Variants in FBXL2 observed in about 807,000 individuals in gnomAD.
FBXL2 encodes F-box and leucine rich repeat protein 2.
In FBXL2, 38 loss-of-function variants were observed where a neutral mutation model predicts 69.2. That is an observed-to-expected ratio of 0.55 (90% CI 0.42 to 0.72). FBXL2 has a LOEUF of 0.72. Among genes scored for constraint, FBXL2 ranks in the 30% least tolerant of loss-of-function variants. FBXL2 has a pLI of 0.00. For synonymous variants in FBXL2, 192 were observed against 201.3 expected, an observed-to-expected ratio of 0.95 and a Z score of 0.39; for missense variants, 354 against 520.3, an observed-to-expected ratio of 0.68 and a Z score of 3.11.
At chr3:33,309,562 G>T (rs1559519660) in intron 2 of FBXL2, among the ~76,000 whole-genome samples, 1 of 151,876 alleles carries the variant, frequency 6.6e-6, no homozygotes, top group Non-Finnish European at 1.5e-5. Context: ...AATACATTCA[G>T]CTACTTTATG....
chr3:33,416,623 G>T, the FBXL2 span: 1 of 638,880 alleles, frequency 1.6e-6, no homozygotes, highest in Non-Finnish European at 2.6e-6. Flanking sequence ...TTTTACAGGT[G>T]AATAAACAAA....
chr3:33,359,259 C>T, intron 3 of FBXL2, 24 bp from the exon 4 acceptor site: 1 of 1,597,332 alleles, frequency 6.3e-7, no homozygotes, highest in Non-Finnish European at 8.6e-7. Context: ...CCCAATCCCT[C>T]TTCCTTTACC....
chr3:33,358,953 TC>T lies in FBXL2; in HGVS notation c.66-12del, dbSNP rs2041414361. 6.6e-7 allele frequency: 1 copy of T among 1,505,956 alleles called. No homozygotes were observed. The highest frequency in any genetic ancestry group is 2.3e-5 in the East Asian group (1 of 42,838). 93.3% of individuals were successfully genotyped at this position (1,505,956 alleles called of 1,614,324 possible). A position where few individuals can be genotyped will look rare whatever the true frequency, so the allele number is the denominator to read the frequency against. ...ACACCATCTCGTTTTTGTGTTTTTT[TC>T]CTCTCTCTGTAGAATATTTTCCTTC... is the stretch of plus-strand genomic sequence containing the variant. On this transcript the variant is annotated splice_polypyrimidine_tract_variant and intron_variant, in intron 2 of 14. Coordinates refer to ENST00000484457, the MANE Select transcript of FBXL2 (RefSeq NM_012157.5).
intron 2 of FBXL2, among the ~76,000 whole-genome samples, chr3:33,357,150 G>A (rs1281048595): frequency 6.6e-6 from 1 of 152,216 alleles, no homozygotes; most frequent in Non-Finnish European, 1.5e-5. Flanking sequence ...CATAATCAAT[G>A]TTAACTATTT....
intron 2 of FBXL2, among the ~76,000 whole-genome samples, chr3:33,305,047 T>C (rs2036596456): frequency 6.6e-6 from 1 of 152,064 alleles, no homozygotes; most frequent in African/African-American, 2.4e-5. Flanking sequence ...TATTAATGTT[T>C]AGCTGACAAA....
chr3:33,360,324 G>C (rs1246520969), intron 4 of FBXL2, among the ~76,000 whole-genome samples: 2 of 152,160 alleles, frequency 1.3e-5, no homozygotes, highest in African/African-American at 4.8e-5. Flanking sequence ...ACAAACTAAT[G>C]ATCTAGGTCA....
chr3:33,338,336 T>C (rs2039747172), intron 2 of FBXL2, among the ~76,000 whole-genome samples: 1 of 151,934 alleles, frequency 6.6e-6, no homozygotes, highest in Admixed American at 6.6e-5. Flanking sequence ...CACTTGAAGG[T>C]GGGAGGTGAA....
intron 2 of FBXL2, among the ~76,000 whole-genome samples, chr3:33,313,574 C>A (rs1017813601): frequency 2.6e-5 from 4 of 151,720 alleles, no homozygotes; most frequent in Non-Finnish European, 5.9e-5. Context: ...GCCTTCCAAG[C>A]ATCTGGGACT....
chr3:33,281,963 T>G (rs1161138530), intron 1 of FBXL2, among the ~76,000 whole-genome samples: 1 of 152,230 alleles, frequency 6.6e-6, no homozygotes, highest in East Asian at 1.9e-4. Flanking sequence ...GTCAGATGGG[T>G]AGATTGCAAA....
At chr3:33,352,225 A>G (rs539782606) in intron 2 of FBXL2, among the ~76,000 whole-genome samples, 3 of 152,236 alleles carry the variant, frequency 2.0e-5, no homozygotes, top group Non-Finnish European at 2.9e-5. Context: ...CAATGGAGAA[A>G]GTATACATTT....
At chr3:33,291,975 T>A (rs2035266920) in intron 1 of FBXL2, among the ~76,000 whole-genome samples, 1 of 152,134 alleles carries the variant, frequency 6.6e-6, no homozygotes, top group African/African-American at 2.4e-5. Context: ...GTGAAAAAGA[T>A]ATACCATGCA....
At chr3:33,370,485 G>A (rs67739017) in intron 5 of FBXL2, among the ~76,000 whole-genome samples, 27,519 of 151,550 alleles carry the variant, frequency 0.18, 3,176 homozygotes, top group East Asian at 0.48. Flanking sequence ...GTATTTTAAG[G>A]ATGGTGCTCC....
chr3:33,405,987 AC>A (rs1397982337), downstream of FBXL2, among the ~76,000 whole-genome samples: 1 of 152,230 alleles, frequency 6.6e-6, no homozygotes, highest in Non-Finnish European at 1.5e-5. Flanking sequence ...CAGACTTATT[AC>A]TTCTATTATC....
In FBXL2 at chr3:33,330,678, A is replaced by G. The variant is rs2039077808; in HGVS notation, c.66-28289A>G. Among the ~76,000 whole-genome samples, 3 of 152,252 alleles carry G rather than the reference A, an allele frequency of 2.0e-5. No homozygotes were observed. The South Asian group carries it at 6.2e-4, about 32-fold the overall frequency. On this transcript the variant is annotated intron_variant, in intron 2 of 14. Coordinates refer to ENST00000484457, the MANE Select transcript of FBXL2 (RefSeq NM_012157.5). The stretch of plus-strand genomic sequence containing the variant: ...CAAGCCAGGCAGCTTACTTAACGCC[A>G]GGAGTTTGAGACCAGCCTGGCCAGC...
intron 5 of FBXL2, among the ~76,000 whole-genome samples, chr3:33,368,658 G>A (rs1314137196): frequency 2.0e-5 from 3 of 151,430 alleles, no homozygotes; most frequent in East Asian, 3.9e-4. Context: ...GCAGTGGAGT[G>A]CAGCTCACTG....
At chr3:33,407,538 GAATTT>G (rs1354268890), downstream of FBXL2, among the ~76,000 whole-genome samples, 2 of 141,588 alleles carry the variant, frequency 1.4e-5, no homozygotes, top group African/African-American at 5.4e-5. Flanking sequence ...TCTTTGATTC[GAATTT>G]ATTTAAAAAA....
the FBXL2 span, among the ~76,000 whole-genome samples, chr3:33,414,522 C>T: frequency 5.9e-5 from 9 of 152,274 alleles, no homozygotes; most frequent in East Asian, 1.9e-4. Context: ...AAAGCACCTT[C>T]GCAAACCTAT....
chr3:33,330,821 G>A lies in FBXL2; in HGVS notation c.66-28146G>A, dbSNP rs1048513229. ...GGAGAATCATTTGAACCTGGGAGGC[G>A]GAGGTTGCAGTGAGTCAAGATCATG... is the stretch of plus-strand genomic sequence containing the variant. On this transcript the variant is annotated intron_variant, in intron 2 of 14. Transcript: ENST00000484457. 4.0e-5 allele frequency among the ~76,000 whole-genome samples: 6 copies of A among 151,838 alleles called. No homozygotes were observed. In the East Asian group the frequency reaches 5.8e-4, roughly 15 times the overall value.
rs759723075 is a variant in FBXL2, at chr3:33,384,199, C to A, written c.1162C>A (p.Arg388=). Residue 388 remains arginine, a splice_region_variant and synonymous_variant, in exon 14 of 15, where the codon CGG becomes AGG. Coordinates refer to ENST00000484457, the MANE Select transcript of FBXL2 (RefSeq NM_012157.5). ...QVTRAGIKRM[R]AQLPHVKVHA... is the part of the protein sequence containing the mutation. ...TACCCGTGCAGGCATCAAGCGGATG[C>A]GGGTAGGTATGGGGCAGGGGAGTCA... 6.2e-7 allele frequency: 1 copy of A among 1,613,640 alleles called. No individual in the cohort carries two copies. Among genetic ancestry groups the A allele is most frequent in the Admixed American group, 1.7e-5 (1 of 60,004 alleles).
Sources: allele counts gnomAD v4.1 joint callset (sites outside exome capture counted in the v4.1 genomes callset), GRCh38; gene constraint gnomAD v4.1.1; transcripts MANE v1.5; gene names NCBI Gene and HGNC (gene_info 2026-07-23, HGNC 2026-07-21).